The following TRMT44 variants were observed in gnomAD, a reference collection of about 807,000 sequenced individuals.
TRMT44 encodes the protein tRNA methyltransferase 44 homolog.
Under a neutral mutation model 77.3 loss-of-function variants are expected in TRMT44, and 78 were observed. The observed-to-expected ratio is 1.01, with a 90% CI of 0.84 to 1.22. The LOEUF (loss-of-function observed/expected upper bound fraction) is 1.22. Among genes scored for constraint, TRMT44 ranks in the 50% most tolerant of loss-of-function variants. The pLI is 0.00. For synonymous variants in TRMT44, 391 were observed against 383.3 expected (o/e 1.02, Z -0.23); for missense variants, 1,090 against 964.4 (o/e 1.13, Z -1.73).
chr4:8,501,518 G>A, the TRMT44 span, among the ~76,000 whole-genome samples: 2 of 152,186 alleles, frequency 1.3e-5, no homozygotes, highest in Admixed American at 6.5e-5. The surrounding 1 kb of genome is among the most constrained non-coding windows in gnomAD (Gnocchi z 4.4). Flanking sequence ...TGTTGAGAAG[G>A]TTGAGTACAT....
intron 6 of TRMT44, among the ~76,000 whole-genome samples, chr4:8,463,676 C>G (rs150577642): frequency 6.6e-6 from 1 of 152,338 alleles, no homozygotes; most frequent in East Asian, 1.9e-4. Flanking sequence ...GGCCGTCTCT[C>G]CTGGAGCTCC....
rs746911545 is a variant in TRMT44, at chr4:8,465,576, C to T, written c.1494+15C>T. 6 of 1,605,652 alleles carry T rather than the reference C, an allele frequency of 3.7e-6. No individual in the cohort carries two copies. Among genetic ancestry groups the T allele is most frequent in the South Asian group, 2.2e-5 (2 of 89,622 alleles). On this transcript the variant is annotated intron_variant, in intron 8 of 10. Coordinates refer to ENST00000389737, the MANE Select transcript of TRMT44 (RefSeq NM_152544.3). ...CAACCAAAAGAGTATGTCTGATTCT[C>T]ATGTTGTTCTAGGCGGTGTGTCGGT... is the stretch of plus-strand genomic sequence containing the variant.
At chr4:8,443,775 A>G (rs1268827852) in intron 1 of TRMT44, among the ~76,000 whole-genome samples, 1 of 152,160 alleles carries the variant, frequency 6.6e-6, no homozygotes, top group East Asian at 1.9e-4. Context: ...CCTGGCCAAC[A>G]TGGTGAAACC....
intron 2 of TRMT44, among the ~76,000 whole-genome samples, chr4:8,448,646 C>T (rs988893719): frequency 1.3e-5 from 2 of 152,234 alleles, no homozygotes; most frequent in Non-Finnish European, 2.9e-5. Flanking sequence ...CAGGACAGAC[C>T]TCACAGTCCC....
At chr4:8,492,554 A>G (rs1345066703) in intron 2 of TRMT44, among the ~76,000 whole-genome samples, 1 of 152,172 alleles carries the variant, frequency 6.6e-6, no homozygotes, top group African/African-American at 2.4e-5. Context: ...TTGGGGCCCC[A>G]AAATCACTAA....
downstream of TRMT44, among the ~76,000 whole-genome samples, chr4:8,495,492 G>A (rs970453243): frequency 3.9e-5 from 6 of 152,216 alleles, no homozygotes; most frequent in Admixed American, 2.0e-4. Flanking sequence ...CATTGGTGAT[G>A]AAGTGGAGCT....
chr4:8,463,078 T>TA (rs1159584343), intron 6 of TRMT44, among the ~76,000 whole-genome samples: 1 of 152,240 alleles, frequency 6.6e-6, no homozygotes, highest in Non-Finnish European at 1.5e-5. Flanking sequence ...ATTCTTGTGT[T>TA]ATAGTTTTGC....
intron 10 of TRMT44, 26 bp downstream of exon 10, chr4:8,471,226 G>T: frequency 7.0e-7 from 1 of 1,433,366 alleles, no homozygotes; most frequent in Middle Eastern, 1.8e-4. Context: ...CTCCCCCGCC[G>T]TTCTTTCCTT....
At position 8,467,004 on chromosome 4, in the gene TRMT44, G is replaced by A. The variant is rs190734479; in HGVS notation, c.1495-910G>A. On this transcript the variant is annotated intron_variant, in intron 8 of 10. Coordinates refer to ENST00000389737, the MANE Select transcript of TRMT44 (RefSeq NM_152544.3). The stretch of plus-strand genomic sequence containing the variant: ...CCTGGCCTTGTAGTTGATGCCTGGA[G>A]AGGAAGCCCAGAAATGAGGTGCCCT... Among the ~76,000 whole-genome samples the A allele has an allele frequency of 8.9e-4, 135 of 152,344 alleles. 1 individual carries two copies. The highest frequency in any genetic ancestry group is 3.2e-3 in the African/African-American group (132 of 41,586).
In TRMT44 at chr4:8,452,179, T is replaced by G. The variant is rs930743079; in HGVS notation, c.1023+151T>G. On this transcript the variant is annotated intron_variant, in intron 4 of 10. Transcript: ENST00000389737. This position sits in a 1 kb window ranked among gnomAD's most constrained non-coding sequence, Gnocchi z 5.7. ...TTGGTTTCTCGTGTAATGGTTTGAC[T>G]TCATGTGGTCCTTTTGATGCGTATA... is the stretch of plus-strand genomic sequence containing the variant. 3.3e-5 allele frequency among the ~76,000 whole-genome samples: 5 copies of G among 152,218 alleles called. No individual in the cohort carries two copies. The highest frequency in any genetic ancestry group is 5.9e-5 in the Non-Finnish European group (4 of 68,032).
At chr4:8,475,396 A>G (rs892224345) in intron 10 of TRMT44, among the ~76,000 whole-genome samples, 1 of 152,196 alleles carries the variant, frequency 6.6e-6, no homozygotes, top group African/African-American at 2.4e-5. Flanking sequence ...TGATGAGGCC[A>G]CAAGGGACCC....
the TRMT44 span, among the ~76,000 whole-genome samples, chr4:8,504,752 A>C: frequency 6.6e-6 from 1 of 152,084 alleles, no homozygotes; most frequent in Non-Finnish European, 1.5e-5. This position sits in a 1 kb window ranked among gnomAD's most constrained non-coding sequence, Gnocchi z 5.3. Flanking sequence ...GTCACAACCC[A>C]GGCACCCTGG....
intron 1 of TRMT44, among the ~76,000 whole-genome samples, chr4:8,445,594 G>A (rs1725009452): frequency 6.6e-6 from 1 of 152,146 alleles, no homozygotes; most frequent in Non-Finnish European, 1.5e-5. Context: ...GACCTCCTTC[G>A]GCTCTCTGCT....
chr4:8,501,620 G>A, the TRMT44 span, among the ~76,000 whole-genome samples: 10 of 152,178 alleles, frequency 6.6e-5, no homozygotes, highest in Admixed American at 2.0e-4. This position sits in a 1 kb window ranked among gnomAD's most constrained non-coding sequence, Gnocchi z 4.4. Context: ...ACCAGGCTCC[G>A]GCAGACGGGA....
chr4:8,470,681 A>G (rs1202787219), intron 9 of TRMT44, among the ~76,000 whole-genome samples: 8 of 152,184 alleles, frequency 5.3e-5, no homozygotes, highest in Non-Finnish European at 1.2e-4. Flanking sequence ...TGGAGCAGCC[A>G]CTGGGAAGGC....
At position 8,461,822 on chromosome 4, in the gene TRMT44, C is replaced by T. The variant is rs759058733; in HGVS notation, c.1204-2163C>T. 2.0e-5 allele frequency among the ~76,000 whole-genome samples: 3 copies of T among 152,124 alleles called. No individual in the cohort carries two copies. The highest frequency in any genetic ancestry group is 4.4e-5 in the Non-Finnish European group (3 of 68,038). ...AGCATGGCCAGAATGAGGGTGGTTC[C>T]GTTGACGTGCACATGGTGTTTGTGG... is the stretch of plus-strand genomic sequence containing the variant. On this transcript the variant is annotated intron_variant, in intron 6 of 10. Transcript: ENST00000389737. The surrounding 1 kb of genome is among the most constrained non-coding windows in gnomAD (Gnocchi z 4.6).
At chr4:8,466,869 G>A (rs1726592119) in intron 8 of TRMT44, among the ~76,000 whole-genome samples, 1 of 152,202 alleles carries the variant, frequency 6.6e-6, no homozygotes. Flanking sequence ...CATGTCTGGT[G>A]GGGACTGGGT....
intron 1 of TRMT44, among the ~76,000 whole-genome samples, chr4:8,445,034 C>T (rs572716705): frequency 5.9e-5 from 9 of 152,218 alleles, no homozygotes; most frequent in Admixed American, 2.0e-4. Context: ...CTACAGTGCA[C>T]GGGACAACTC....
chr4:8,508,479 A>C, the TRMT44 span, among the ~76,000 whole-genome samples: 2 of 152,088 alleles, frequency 1.3e-5, no homozygotes, highest in Non-Finnish European at 2.9e-5. Flanking sequence ...AGGCCTGGCC[A>C]CCTCGTCCCC....
Sources: gnomAD v4.1 joint callset for allele counts (sites outside exome capture counted in the v4.1 genomes callset) on GRCh38, gnomAD v4.1.1 for gene constraint, Gnocchi (gnomAD v3.1) non-coding constraint, MANE v1.5 for transcripts, NCBI Gene and HGNC (gene_info 2026-07-23, HGNC 2026-07-21) for gene names.